The following USP40 variants were observed in gnomAD, a reference collection of about 807,000 sequenced individuals.
USP40 encodes the protein ubiquitin carboxyl-terminal hydrolase 40.
Under a neutral mutation model 166.2 loss-of-function variants are expected in USP40, and 143 were observed. The ratio of observed to expected loss-of-function variants is 0.86; its 90% CI spans 0.75 to 0.99. USP40 has a LOEUF of 0.99. USP40 is among the 50% of genes least tolerant of loss of function. The pLI is 0.00. For synonymous variants in USP40, 498 were observed against 524.0 expected (o/e 0.95, Z 0.68); for missense variants, 1,444 against 1,479.7 (o/e 0.98, Z 0.40).
chr2:233,489,259 G>T, intron 27 of USP40, 106 bp downstream of exon 27: 3 of 1,090,574 alleles, frequency 2.8e-6, no homozygotes, highest in East Asian at 2.6e-5. Flanking sequence ...CCAGGAATGG[G>T]CTTTGTTGTC....
chr2:233,548,742 T>G (rs1475937688), intron 8 of USP40, among the ~76,000 whole-genome samples: 2 of 152,138 alleles, frequency 1.3e-5, no homozygotes, highest in Non-Finnish European at 2.9e-5. Context: ...CACTCAAGTA[T>G]TCAGTGGTAA....
chr2:233,490,135 A>G (rs1317877154), intron 26 of USP40, among the ~76,000 whole-genome samples: 1 of 151,648 alleles, frequency 6.6e-6, no homozygotes, highest in Non-Finnish European at 1.5e-5. Flanking sequence ...TCATGAGAAT[A>G]AGGCTGTCTG....
chr2:233,493,266 T>C lies in USP40; in HGVS notation c.2917+159A>G, dbSNP rs2125076682. ...ACGTACAGAAATGGCACAGTGTTATTATTATGTGATGTCTGGAATGACTTA... is the reference window on the plus strand; with the variant it reads ...ACGTACAGAAATGGCACAGTGTTATCATTATGTGATGTCTGGAATGACTTA... On this transcript the variant is annotated intron_variant, in intron 25 of 31. Transcript: ENST00000678225. This position sits in a 1 kb window ranked among gnomAD's most constrained non-coding sequence, Gnocchi z 4.7. 3.0e-6 allele frequency: 3 copies of C among 985,296 alleles called. No individual in the cohort carries two copies. The Admixed American group carries it at 6.9e-5, about 23-fold the overall frequency. The allele number at this position is 985,296 out of a possible 1,614,324, so 61.0% of individuals were successfully genotyped here.
At chr2:233,478,322 T>A (rs986676798) in intron 31 of USP40, among the ~76,000 whole-genome samples, 1 of 152,184 alleles carries the variant, frequency 6.6e-6, no homozygotes, top group Non-Finnish European at 1.5e-5. Context: ...CCCCAGTGAC[T>A]CTGCGTCCTC....
intron 19 of USP40, 24 bp from the exon 20 acceptor site, chr2:233,511,821 A>G (rs932556970): frequency 6.5e-7 from 1 of 1,547,076 alleles, no homozygotes; most frequent in African/African-American, 1.4e-5. Context: ...TGATAATATG[A>G]TGAAGGTTAT....
chr2:233,508,637 TAGG>T (rs2066594525), intron 21 of USP40, among the ~76,000 whole-genome samples: 1 of 152,196 alleles, frequency 6.6e-6, no homozygotes, highest in Non-Finnish European at 1.5e-5. Flanking sequence ...ATTAATTTAT[TAGG>T]AGTTGAAAAA....
At chr2:233,494,797 C>T (rs1232652411) in intron 24 of USP40, among the ~76,000 whole-genome samples, 1 of 143,972 alleles carries the variant, frequency 6.9e-6, no homozygotes, top group Non-Finnish European at 1.5e-5. Context: ...TGTACTTCAG[C>T]CCGGGTGACA....
At chr2:233,502,382 A>T (rs1443739434) in intron 21 of USP40, among the ~76,000 whole-genome samples, 2 of 152,224 alleles carry the variant, frequency 1.3e-5, no homozygotes, top group Admixed American at 1.3e-4. Flanking sequence ...ATTTAAAAAA[A>T]ATTTTTGGAA....
chr2:233,533,520 A>T lies in USP40; in HGVS notation c.1430T>A (p.Met477Lys), dbSNP rs1468405306. ...CAACTGGGATTTCCGATAAAACAACATGTAGGCACTTTCTTTACCCTGAAA... is the reference window on the plus strand; with the variant it reads ...CAACTGGGATTTCCGATAAAACAACTTGTAGGCACTTTCTTTACCCTGAAA... The part of the protein sequence containing the change: ...QQFQGKESAY[M>K]LFYRKSQLQR... The change falls in exon 11 of 32, where the codon ATG (methionine) becomes AAG (lysine). Residue 477 changes from methionine (M) to lysine (K), a missense_variant. Physicochemically the swap from Met to Lys is moderately conservative, Grantham distance 95 (BLOSUM62 -1). Coordinates refer to ENST00000678225, the MANE Select transcript of USP40 (RefSeq NM_001365479.2). The T allele has an allele frequency of 6.2e-7, 1 of 1,613,674 alleles. No homozygotes were observed. The highest frequency in any genetic ancestry group is 1.3e-5 in the African/African-American group (1 of 74,914).
intron 30 of USP40, among the ~76,000 whole-genome samples, chr2:233,484,355 T>C (rs1176473667): frequency 6.6e-6 from 1 of 152,232 alleles, no homozygotes; most frequent in African/African-American, 2.4e-5. Flanking sequence ...AACAGAAGCT[T>C]TCTTTAACAC....
rs764371265 is a variant in USP40 at position 233,491,256 on chromosome 2, A to G, written c.2923T>C (p.Ser975Pro). ...VWRATSSQGA[S>P]GNEPAQVSLL... ...GAAACTTGCGCAGGCTCGTTCCCAG[A>G]AGCACCTTCCAAAGGACAGAGCGGG... The change falls in exon 26 of 32, where the codon TCT becomes CCT. Residue 975 changes from serine to proline, a missense_variant. Physicochemically the swap from Ser to Pro is moderately conservative, Grantham distance 74. Transcript: ENST00000678225. 2 of 1,610,586 alleles carry G rather than the reference A, an allele frequency of 1.2e-6. No individual in the cohort carries two copies. The highest frequency in any genetic ancestry group is 2.2e-5 in the East Asian group (1 of 44,868).
intron 24 of USP40, among the ~76,000 whole-genome samples, chr2:233,494,956 T>A (rs13026007): frequency 0.11 from 3,478 of 32,838 alleles, 81 homozygotes; most frequent in Non-Finnish European, 0.13. Context: ...ATATATATAT[T>A]TATATATATA....
At chr2:233,527,193 T>C (rs2068087914) in intron 13 of USP40, among the ~76,000 whole-genome samples, 1 of 152,168 alleles carries the variant, frequency 6.6e-6, no homozygotes, top group Non-Finnish European at 1.5e-5. Context: ...GGCCTGATTG[T>C]CTACCTGAAA....
At position 233,523,404 on chromosome 2, in the gene USP40, T is replaced by C; in HGVS notation, c.1967A>G (p.Glu656Gly). The change falls in exon 16 of 32, where the codon GAA becomes GGA. Residue 656 changes from glutamate (E) to glycine (G), a missense_variant. Transcript: ENST00000678225. ...VLHLDTSSDG[E>G]KCCQVIESPH... Reference sequence around the variant, plus strand: ...AGATTCTATCACCTGACAACACTTTTCTCCATCACTGCTTGTGTCTAGATG... The same window carrying C: ...AGATTCTATCACCTGACAACACTTTCCTCCATCACTGCTTGTGTCTAGATG... 6.2e-7 allele frequency: 1 copy of C among 1,613,974 alleles called. No individual in the cohort carries two copies. Among genetic ancestry groups the C allele is most frequent in the Non-Finnish European group, 8.5e-7 (1 of 1,179,886 alleles).
chr2:233,512,657 G>GAT, intron 18 of USP40, 35 bp from the exon 19 acceptor site: 1 of 843,346 alleles, frequency 1.2e-6, no homozygotes, highest in Non-Finnish European at 1.6e-6. Flanking sequence ...TTCTTAGAGA[G>GAT]CTAGGAATTA....
chr2:233,556,927 G>C lies in USP40; in HGVS notation c.474C>G (p.Ile158Met). 1 of 1,614,000 alleles carries C rather than the reference G, an allele frequency of 6.2e-7. No homozygotes were observed. The highest frequency in any genetic ancestry group is 8.5e-7 in the Non-Finnish European group (1 of 1,179,882). ...CAATGGTTCCATGGTACAGACGATAGATGAGGTCATGACCGGAGGTCCCAA... is the reference window on the plus strand; with the variant it reads ...CAATGGTTCCATGGTACAGACGATACATGAGGTCATGACCGGAGGTCCCAA... The part of the protein sequence containing the change: ...SLVGTSGHDL[I>M]YRLYHGTIVN... The change falls in exon 5 of 32, where the codon ATC becomes ATG. Residue 158 changes from isoleucine (I) to methionine (M), a missense_variant. Ile to Met is a conservative substitution (Grantham distance 10, BLOSUM62 1). Coordinates refer to ENST00000678225, the MANE Select transcript of USP40 (RefSeq NM_001365479.2).
intron 10 of USP40, among the ~76,000 whole-genome samples, chr2:233,535,873 A>G (rs938572831): frequency 2.6e-5 from 4 of 152,220 alleles, no homozygotes; most frequent in Non-Finnish European, 2.9e-5. Context: ...CATACTGTAC[A>G]TTTCAAAATT....
intron 18 of USP40, among the ~76,000 whole-genome samples, chr2:233,514,093 G>A (rs1348775039): frequency 6.6e-6 from 1 of 152,160 alleles, no homozygotes; most frequent in Non-Finnish European, 1.5e-5. Flanking sequence ...TTTAAAATCT[G>A]TTGGTTTTCA....
In USP40 at chr2:233,477,407, C is replaced by G; in HGVS notation, c.3696G>C (p.Val1232=). The change falls in exon 32 of 32, where the codon GTG becomes GTC. Residue 1232 remains valine, a synonymous_variant. Transcript: ENST00000678225. ...AGCGGCGCGGTTATCTGAAGCTCCCCACGTGGATGGAGAGAGAAGTTTCCG... is the reference window on the plus strand; with the variant it reads ...AGCGGCGCGGTTATCTGAAGCTCCCGACGTGGATGGAGAGAGAAGTTTCCG... The part of the protein sequence containing the change: ...RAPETSLSIH[V]GSFR The G allele has an allele frequency of 3.1e-6, 5 of 1,613,672 alleles. No individual in the cohort carries two copies. The highest frequency in any genetic ancestry group is 4.2e-6 in the Non-Finnish European group (5 of 1,179,808).
Sources: gnomAD v4.1 joint callset for allele counts (sites outside exome capture counted in the v4.1 genomes callset) on GRCh38, gnomAD v4.1.1 for gene constraint, Gnocchi (gnomAD v3.1) non-coding constraint, MANE v1.5 for transcripts, NCBI Gene and HGNC (gene_info 2026-07-23, HGNC 2026-07-21) for gene names.